Variants in IQSEC1 observed in about 807,000 individuals in gnomAD.
IQSEC1 encodes IQ motif and Sec7 domain ArfGEF 1.
IQSEC1 carries 31 observed loss-of-function variants against 91.0 expected under a neutral mutation model. The observed-to-expected ratio is 0.34, with a 90% CI of 0.26 to 0.46. IQSEC1 has a LOEUF of 0.46. Ranked by LOEUF, IQSEC1 falls within the 20% of genes least tolerant of loss-of-function variation. The probability of loss-of-function intolerance (pLI) is 1.00; values close to 1 mark genes in which losing one functional copy is unlikely to be tolerated. For missense variants in IQSEC1, 1,388 were observed against 1,575.6 expected, an observed-to-expected ratio of 0.88 and a Z score of 2.02; for synonymous variants, 699 against 662.6, an observed-to-expected ratio of 1.05 and a Z score of -0.84.
intron 1 of IQSEC1, among the ~76,000 whole-genome samples, chr3:12,988,676 C>T (rs978226756): frequency 2.0e-5 from 3 of 152,170 alleles, no homozygotes; most frequent in Non-Finnish European, 4.4e-5. Context: ...CTCTGAGGAG[C>T]AGGCTGGGGA....
chr3:12,947,168 T>TGACAAGCC (rs1387642183), intron 1 of IQSEC1, among the ~76,000 whole-genome samples: 2 of 152,252 alleles, frequency 1.3e-5, no homozygotes, highest in Non-Finnish European at 2.9e-5. Context: ...TCTGACAGGC[T>TGACAAGCC]GACAAGCCGA....
At chr3:13,044,887 C>T (rs1559738802) in intron 1 of IQSEC1, among the ~76,000 whole-genome samples, 1 of 152,272 alleles carries the variant, frequency 6.6e-6, no homozygotes. Context: ...GGTGCCTCCA[C>T]TGCACAAAAA....
chr3:12,938,636 TG>T (rs986842736), intron 2 of IQSEC1, among the ~76,000 whole-genome samples: 2 of 152,152 alleles, frequency 1.3e-5, no homozygotes, highest in Admixed American at 6.5e-5. Context: ...AGAAAGCCCC[TG>T]GGGCCCATAA....
chr3:13,079,853 C>T (rs895655801), intron 2 of IQSEC1, among the ~76,000 whole-genome samples: 4 of 152,042 alleles, frequency 2.6e-5, no homozygotes, highest in African/African-American at 7.3e-5. Flanking sequence ...CTGACTGTTT[C>T]GATGGAAATG....
intron 2 of IQSEC1, among the ~76,000 whole-genome samples, chr3:13,131,599 G>A (rs1040121653): frequency 6.8e-6 from 1 of 146,338 alleles, no homozygotes; most frequent in African/African-American, 2.5e-5. Flanking sequence ...CTATTCTTGT[G>A]CCTCAGCCTC....
chr3:13,115,258 T>C (rs1161521738), intron 2 of IQSEC1, among the ~76,000 whole-genome samples: 1 of 152,000 alleles, frequency 6.6e-6, no homozygotes, highest in African/African-American at 2.4e-5. Flanking sequence ...TTTCCCCCGC[T>C]TCCCTCCCCC....
At chr3:12,917,115 T>A (rs886343304) in intron 6 of IQSEC1, among the ~76,000 whole-genome samples, 9 of 152,094 alleles carry the variant, frequency 5.9e-5, no homozygotes, top group Non-Finnish European at 1.3e-4. Context: ...CAGGTGTAGG[T>A]TCTCAGCAAA....
intron 1 of IQSEC1, among the ~76,000 whole-genome samples, chr3:13,020,195 C>T (rs538605004): frequency 2.6e-5 from 4 of 152,334 alleles, no homozygotes; most frequent in Admixed American, 2.6e-4. Flanking sequence ...CCAGGACTCA[C>T]CCGCTGCCTG....
At position 12,900,431 on chromosome 3, in the gene IQSEC1, A is replaced by G; in HGVS notation, c.*552T>C. On this transcript the variant is annotated 3_prime_UTR_variant, in exon 14 of 14. Coordinates refer to ENST00000613206, the MANE Select transcript of IQSEC1 (RefSeq NM_001134382.3). ...GTGGACTGAAACGCCTGCCTTTCAC[A>G]CACAAGTACTACCTATACAGTATAT... 6.4e-6 allele frequency: 6 copies of G among 939,758 alleles called. No homozygotes were observed. Among genetic ancestry groups the G allele is most frequent in the Non-Finnish European group, 7.6e-6 (6 of 789,620 alleles). The allele number at this position is 939,758 out of a possible 1,614,324, so 58.2% of individuals were successfully genotyped here.
intron 2 of IQSEC1, among the ~76,000 whole-genome samples, chr3:13,121,972 G>C (rs1227777864): frequency 6.6e-6 from 1 of 152,256 alleles, no homozygotes; most frequent in Non-Finnish European, 1.5e-5. Context: ...TGCTGGATCT[G>C]AAATAGTTCA....
At chr3:13,073,451 G>T (rs1202729420), upstream of IQSEC1, among the ~76,000 whole-genome samples, 3 of 152,152 alleles carry the variant, frequency 2.0e-5, no homozygotes, top group African/African-American at 7.2e-5. Context: ...GGGCGCGCCG[G>T]AGCCTCCCCC....
chr3:13,073,997 G>A (rs1332947514), upstream of IQSEC1, among the ~76,000 whole-genome samples: 2 of 152,224 alleles, frequency 1.3e-5, no homozygotes, highest in Admixed American at 6.5e-5. Flanking sequence ...AGAATTTCTG[G>A]TCTAGCTATG....
chr3:13,004,944 T>C (rs1702572946), intron 1 of IQSEC1, among the ~76,000 whole-genome samples: 1 of 152,206 alleles, frequency 6.6e-6, no homozygotes, highest in East Asian at 1.9e-4. Flanking sequence ...AACCCCTGAA[T>C]TATTTTAGGG....
intron 1 of IQSEC1, among the ~76,000 whole-genome samples, chr3:12,995,569 T>G (rs1222639534): frequency 6.6e-6 from 1 of 152,188 alleles, no homozygotes; most frequent in Non-Finnish European, 1.5e-5. Flanking sequence ...AGGGGTGAGC[T>G]GGGATTTGAA....
In IQSEC1 at chr3:13,259,916, G is replaced by C. The variant is rs1695352955; in HGVS notation, c.272+22795C>G. 6.6e-6 allele frequency among the ~76,000 whole-genome samples: 1 copy of C among 152,258 alleles called. No individual in the cohort carries two copies. The highest frequency in any genetic ancestry group is 1.5e-5 in the Non-Finnish European group (1 of 68,052). On this transcript the variant is annotated intron_variant, in intron 1 of 15. Coordinates refer to the IQSEC1 transcript ENST00000648114. The surrounding 1 kb of genome is among the most constrained non-coding windows in gnomAD (Gnocchi z 4.6). The stretch of plus-strand genomic sequence containing the variant: ...TATTTATATACCAATATTTAGTTCT[G>C]CTTGCAATTAAGCAGATCTGCTTTC...
chr3:12,935,436 C>A lies in IQSEC1; in HGVS notation c.1568+12G>T. On this transcript the variant is annotated intron_variant, in intron 3 of 13. Transcript: ENST00000613206. The surrounding 1 kb of genome is among the most constrained non-coding windows in gnomAD (Gnocchi z 8.0). ...CAGCTGCCCACCCTGAGGGGTCACC[C>A]ATGGTACTCACTTGTTGAAGAGGTT... 6.2e-7 allele frequency: 1 copy of A among 1,600,454 alleles called. No homozygotes were observed. Among genetic ancestry groups the A allele is most frequent in the South Asian group, 1.1e-5 (1 of 90,098 alleles).
chr3:13,171,179 C>G (rs1693603116), intron 1 of IQSEC1, among the ~76,000 whole-genome samples: 1 of 152,164 alleles, frequency 6.6e-6, no homozygotes, highest in Non-Finnish European at 1.5e-5. Context: ...CACTGCTATC[C>G]TTTCATTATG....
upstream of IQSEC1, among the ~76,000 whole-genome samples, chr3:13,073,513 G>T (rs1332717607): frequency 6.6e-6 from 1 of 152,076 alleles, no homozygotes; most frequent in Non-Finnish European, 1.5e-5. Flanking sequence ...ACCAATCGCC[G>T]AGGCGCTGGT....
intron 2 of IQSEC1, among the ~76,000 whole-genome samples, chr3:13,142,567 CA>C (rs1196841952): frequency 6.6e-6 from 1 of 152,246 alleles, no homozygotes; most frequent in African/African-American, 2.4e-5. Flanking sequence ...TCCGATCCTC[CA>C]AGGACAGAGA....
Sources: allele counts gnomAD v4.1 joint callset (sites outside exome capture counted in the v4.1 genomes callset), GRCh38; gene constraint gnomAD v4.1.1; non-coding constraint Gnocchi (gnomAD v3.1); transcripts MANE v1.5; gene names NCBI Gene and HGNC (gene_info 2026-07-23, HGNC 2026-07-21).